CHRM3: variants seen among roughly 807,000 people sequenced by gnomAD.
CHRM3 encodes the protein cholinergic receptor muscarinic 3.
Under a neutral mutation model 41.8 loss-of-function variants are expected in CHRM3, and 11 were observed. The ratio of observed to expected loss-of-function variants is 0.26; its 90% confidence interval spans 0.17 to 0.44. The LOEUF (loss-of-function observed/expected upper bound fraction) is 0.44, where lower values mean the gene tolerates loss of function less well. Ranked by LOEUF, CHRM3 falls within the 20% of genes least tolerant of loss-of-function variation. The probability of loss-of-function intolerance (pLI) is 1.00; values close to 1 mark genes in which losing one functional copy is unlikely to be tolerated. For missense variants in CHRM3, 571 were observed against 745.4 expected (o/e 0.77, Z 2.72); for synonymous variants, 297 against 301.4 (o/e 0.99, Z 0.15).
intron 4 of CHRM3, among the ~76,000 whole-genome samples, chr1:239,641,864 T>A (rs1178577069): frequency 7.8e-6 from 1 of 127,930 alleles, no homozygotes; most frequent in Non-Finnish European, 1.7e-5. Flanking sequence ...CTAGTCTTGA[T>A]GGTCTTTACA....
intron 5 of CHRM3, among the ~76,000 whole-genome samples, chr1:239,775,515 A>C (rs1668020897): frequency 1.3e-5 from 2 of 152,232 alleles, no homozygotes; most frequent in Non-Finnish European, 2.9e-5. Flanking sequence ...AGTACAATTC[A>C]GCTTTAATTT....
chr1:239,865,600 T>A (rs1294448735), intron 6 of CHRM3, among the ~76,000 whole-genome samples: 1 of 151,990 alleles, frequency 6.6e-6, no homozygotes, highest in Non-Finnish European at 1.5e-5. Flanking sequence ...CCAGAGCACA[T>A]GGCAGAGCTG....
intron 3 of CHRM3, among the ~76,000 whole-genome samples, chr1:239,620,474 G>C (rs893186637): frequency 6.6e-6 from 1 of 152,088 alleles, no homozygotes; most frequent in Non-Finnish European, 1.5e-5. Context: ...GTAGGTATGG[G>C]TAGGTAGATA....
At chr1:239,699,911 C>A (rs1042294721) in intron 5 of CHRM3, among the ~76,000 whole-genome samples, 1 of 152,080 alleles carries the variant, frequency 6.6e-6, no homozygotes, top group African/African-American at 2.4e-5. Flanking sequence ...TTTGATAACA[C>A]CCTTAAGAAA....
chr1:239,535,465 C>T (rs1658104514), intron 2 of CHRM3, among the ~76,000 whole-genome samples: 1 of 148,710 alleles, frequency 6.7e-6, no homozygotes, highest in African/African-American at 2.5e-5. Flanking sequence ...CCTTTATTTC[C>T]TATCTAGTAT....
At chr1:239,666,194 T>A (rs1395331456) in intron 4 of CHRM3, among the ~76,000 whole-genome samples, 1 of 19,008 alleles carries the variant, frequency 5.3e-5, no homozygotes, top group Non-Finnish European at 9.4e-5. Context: ...TTGCCTGACT[T>A]TTTTTTTTTT....
intron 6 of CHRM3, among the ~76,000 whole-genome samples, chr1:239,863,289 T>G (rs1050383440): frequency 3.3e-5 from 5 of 152,234 alleles, no homozygotes. Context: ...TTGTTTTTAT[T>G]CTGGTAATGG....
intron 1 of CHRM3, among the ~76,000 whole-genome samples, chr1:239,414,114 G>T (rs1246814182): frequency 6.6e-6 from 1 of 152,134 alleles, no homozygotes; most frequent in Non-Finnish European, 1.5e-5. Context: ...AGCAGGTGCC[G>T]TCTCTCCAGC....
rs548698593 is a variant in CHRM3, at chr1:239,581,446, G to A, written c.-313+35697G>A. ...CATTCTCAGATTGCTGCTGAGTTGC[G>A]TGTGTGTGTGGGTGGGTGGGGGGGA... On this transcript the variant is annotated intron_variant, in intron 3 of 6. Transcript: ENST00000676153. Among the ~76,000 whole-genome samples, 9 of 126,336 alleles carry A rather than the reference G, an allele frequency of 7.1e-5. No homozygotes were observed. The South Asian group carries it at 7.9e-4, about 11-fold the overall frequency. 82.9% of individuals were successfully genotyped at this position (126,336 alleles called of 152,430 possible). A position where few individuals can be genotyped will look rare whatever the true frequency, so the allele number is the denominator to read the frequency against.
chr1:239,417,789 T>A lies in CHRM3; in HGVS notation c.-521+30562T>A, dbSNP rs537038451. 1.2e-3 allele frequency among the ~76,000 whole-genome samples: 179 copies of A among 152,260 alleles called. 2 individuals are homozygous for A. In the Middle Eastern group the frequency reaches 0.017, roughly 14 times the overall value. ...TAAAGACAATTTGAAAAGCAGCAAA[T>A]CTTTAGCCCTGGACAAATGCAAGCA... On this transcript the variant is annotated intron_variant, in intron 1 of 6. Transcript: ENST00000676153.
chr1:239,414,188 T>G (rs1661323046), intron 1 of CHRM3, among the ~76,000 whole-genome samples: 1 of 152,246 alleles, frequency 6.6e-6, no homozygotes, highest in Non-Finnish European at 1.5e-5. Context: ...AGTGTTCTGC[T>G]TTTTTGTTTC....
intron 5 of CHRM3, among the ~76,000 whole-genome samples, chr1:239,770,229 G>A (rs1667553199): frequency 6.6e-6 from 1 of 152,166 alleles, no homozygotes; most frequent in African/African-American, 2.4e-5. Flanking sequence ...GTAGGTTTGT[G>A]GAGGCCTAGA....
chr1:239,682,870 G>A (rs1417011745), intron 5 of CHRM3, among the ~76,000 whole-genome samples: 10 of 152,032 alleles, frequency 6.6e-5, no homozygotes, highest in Admixed American at 5.2e-4. Flanking sequence ...TAATTGACAC[G>A]TAATAATTGT....
At chr1:239,906,520 C>T (rs1407617447) in intron 6 of CHRM3, among the ~76,000 whole-genome samples, 2 of 151,872 alleles carry the variant, frequency 1.3e-5, no homozygotes, top group Non-Finnish European at 1.5e-5. Context: ...AGGTCACAAC[C>T]GAGGCCAACA....
chr1:239,784,016 C>A (rs1380253785), intron 5 of CHRM3, among the ~76,000 whole-genome samples: 2 of 152,196 alleles, frequency 1.3e-5, no homozygotes, highest in Non-Finnish European at 2.9e-5. Context: ...CAGCTACATC[C>A]ATGTTGCTGC....
At chr1:239,580,771 T>A (rs910656939) in intron 3 of CHRM3, among the ~76,000 whole-genome samples, 2 of 145,448 alleles carry the variant, frequency 1.4e-5, no homozygotes, top group African/African-American at 5.0e-5. Flanking sequence ...TATATGTAAA[T>A]ATATATATAT....
intron 3 of CHRM3, among the ~76,000 whole-genome samples, chr1:239,549,439 C>G (rs1366536991): frequency 6.8e-6 from 1 of 147,484 alleles, no homozygotes; most frequent in Non-Finnish European, 1.5e-5. Flanking sequence ...CACTTGAGGT[C>G]AGAAGTTTGA....
At chr1:239,750,376 A>C (rs1316810678) in intron 5 of CHRM3, among the ~76,000 whole-genome samples, 2 of 152,220 alleles carry the variant, frequency 1.3e-5, no homozygotes, top group East Asian at 3.8e-4. Context: ...GATACATATT[A>C]TTGTAATCAA....
intron 5 of CHRM3, among the ~76,000 whole-genome samples, chr1:239,710,071 A>G (rs1661611671): frequency 6.6e-6 from 1 of 152,320 alleles, no homozygotes; most frequent in African/African-American, 2.4e-5. Flanking sequence ...TCGACCTTGA[A>G]AGCTAGTTAA....
Sources: allele counts gnomAD v4.1 joint callset (sites outside exome capture counted in the v4.1 genomes callset), GRCh38; gene constraint gnomAD v4.1.1; transcripts MANE v1.5; gene names NCBI Gene and HGNC (gene_info 2026-07-23, HGNC 2026-07-21).